Variants in DRC11 observed in about 807,000 individuals in gnomAD.
DRC11 encodes the protein IQ and AAA domain-containing protein 1.
At chr2:236,401,971 A>G in the DRC11 span, among the ~76,000 whole-genome samples, 1 of 152,350 alleles carries the variant, frequency 6.6e-6, no homozygotes, top group East Asian at 1.9e-4. The surrounding 1 kb of genome is among the most constrained non-coding windows in gnomAD (Gnocchi z 4.6). Flanking sequence ...AGGTGAAACC[A>G]TAGTGGATAC....
the DRC11 span, among the ~76,000 whole-genome samples, chr2:236,460,649 T>C: frequency 6.6e-6 from 1 of 152,146 alleles, no homozygotes; most frequent in South Asian, 2.1e-4. The surrounding 1 kb of genome is among the most constrained non-coding windows in gnomAD (Gnocchi z 4.0). Flanking sequence ...CAGAAAAATA[T>C]GAAACAAAAA....
chr2:236,348,202 C>T, the DRC11 span, among the ~76,000 whole-genome samples: 2 of 152,134 alleles, frequency 1.3e-5, no homozygotes, highest in African/African-American at 2.4e-5. This position sits in a 1 kb window ranked among gnomAD's most constrained non-coding sequence, Gnocchi z 7.4. Context: ...AATGTAGATT[C>T]GAAGGGGTCT....
chr2:236,316,525 A>G, the DRC11 span, among the ~76,000 whole-genome samples: 2 of 152,168 alleles, frequency 1.3e-5, no homozygotes, highest in African/African-American at 2.4e-5. This position sits in a 1 kb window ranked among gnomAD's most constrained non-coding sequence, Gnocchi z 6.8. Flanking sequence ...AATATTCACA[A>G]CCATGCACCT....
the DRC11 span, among the ~76,000 whole-genome samples, chr2:236,400,805 C>T: frequency 3.3e-5 from 5 of 152,172 alleles, no homozygotes; most frequent in East Asian, 5.8e-4. This position sits in a 1 kb window ranked among gnomAD's most constrained non-coding sequence, Gnocchi z 7.9. Flanking sequence ...CACAGTCCCT[C>T]GTGGTTGTGT....
At chr2:236,332,582 A>C in the DRC11 span, 1 of 152,212 alleles carries the variant, frequency 6.6e-6, no homozygotes, top group Non-Finnish European at 1.5e-5. This position sits in a 1 kb window ranked among gnomAD's most constrained non-coding sequence, Gnocchi z 5.1. Context: ...AATGACCATG[A>C]CTACCTGATC....
At chr2:236,462,979 G>A in the DRC11 span, among the ~76,000 whole-genome samples, 1 of 152,042 alleles carries the variant, frequency 6.6e-6, no homozygotes, top group Non-Finnish European at 1.5e-5. The surrounding 1 kb of genome is among the most constrained non-coding windows in gnomAD (Gnocchi z 6.4). Flanking sequence ...TTTTTACTGT[G>A]AGCCATTTTT....
chr2:236,444,989 G>A, the DRC11 span, among the ~76,000 whole-genome samples: 4 of 152,200 alleles, frequency 2.6e-5, no homozygotes, highest in African/African-American at 4.8e-5. Flanking sequence ...ACCACGCTCC[G>A]CCACAGACCC....
At chr2:236,334,034 T>C in the DRC11 span, among the ~76,000 whole-genome samples, 6 of 152,300 alleles carry the variant, frequency 3.9e-5, no homozygotes, top group Non-Finnish European at 8.8e-5. This position sits in a 1 kb window ranked among gnomAD's most constrained non-coding sequence, Gnocchi z 7.8. Flanking sequence ...ACATGACTCA[T>C]TGGTTACTCT....
the DRC11 span, among the ~76,000 whole-genome samples, chr2:236,374,652 G>C: frequency 2.6e-5 from 4 of 151,928 alleles, 1 homozygote; most frequent in South Asian, 8.3e-4. Context: ...AGAGGAAAGG[G>C]GGAGATGCTA....
the DRC11 span, among the ~76,000 whole-genome samples, chr2:236,372,270 T>C: frequency 6.6e-6 from 1 of 152,206 alleles, no homozygotes; most frequent in African/African-American, 2.4e-5. The surrounding 1 kb of genome is among the most constrained non-coding windows in gnomAD (Gnocchi z 4.5). Flanking sequence ...TAATTCTTGA[T>C]TGCCGAAAAA....
the DRC11 span, among the ~76,000 whole-genome samples, chr2:236,380,229 A>G: frequency 5.9e-5 from 9 of 152,354 alleles, no homozygotes; most frequent in African/African-American, 2.2e-4. This position sits in a 1 kb window ranked among gnomAD's most constrained non-coding sequence, Gnocchi z 4.9. Flanking sequence ...GCGCTCGGGC[A>G]GATTCCTGTC....
the DRC11 span, among the ~76,000 whole-genome samples, chr2:236,489,556 G>A: frequency 6.6e-6 from 1 of 152,162 alleles, no homozygotes; most frequent in African/African-American, 2.4e-5. Flanking sequence ...GGGAACAGGG[G>A]CTCATGTGGC....
At chr2:236,390,076 T>A in the DRC11 span, among the ~76,000 whole-genome samples, 1 of 152,214 alleles carries the variant, frequency 6.6e-6, no homozygotes, top group Non-Finnish European at 1.5e-5. This position sits in a 1 kb window ranked among gnomAD's most constrained non-coding sequence, Gnocchi z 5.9. Context: ...AGTGGGATAG[T>A]GAGTTCTCCT....
the DRC11 span, among the ~76,000 whole-genome samples, chr2:236,411,394 C>T: frequency 3.3e-5 from 5 of 150,204 alleles, no homozygotes; most frequent in African/African-American, 1.2e-4. Context: ...AGTCAGGCAA[C>T]AACAGGTGCT....
chr2:236,369,886 C>T, the DRC11 span, among the ~76,000 whole-genome samples: 12 of 152,122 alleles, frequency 7.9e-5, no homozygotes, highest in Admixed American at 6.5e-4. This position sits in a 1 kb window ranked among gnomAD's most constrained non-coding sequence, Gnocchi z 4.5. Context: ...GACGAAAAGG[C>T]ATTTAGGATA....
At chr2:236,388,183 T>C in the DRC11 span, among the ~76,000 whole-genome samples, 1 of 152,032 alleles carries the variant, frequency 6.6e-6, no homozygotes, top group Non-Finnish European at 1.5e-5. Context: ...GCGTTCTCTG[T>C]ATTTCCTGAA....
At chr2:236,427,393 C>G in the DRC11 span, among the ~76,000 whole-genome samples, 559 of 152,182 alleles carry the variant, frequency 3.7e-3, 5 homozygotes, top group Non-Finnish European at 1.6e-3. This position sits in a 1 kb window ranked among gnomAD's most constrained non-coding sequence, Gnocchi z 5.9. Context: ...CACAAGAAGC[C>G]ATTTTATCCT....
chr2:236,368,987 C>G, the DRC11 span: 1 of 152,310 alleles, frequency 6.6e-6, no homozygotes, highest in African/African-American at 2.4e-5. Flanking sequence ...TAGATAAGGT[C>G]ACCAAGAAAA....
At chr2:236,449,776 A>C in the DRC11 span, among the ~76,000 whole-genome samples, 6 of 152,184 alleles carry the variant, frequency 3.9e-5, 1 homozygote, top group Non-Finnish European at 7.3e-5. The surrounding 1 kb of genome is among the most constrained non-coding windows in gnomAD (Gnocchi z 5.1). Flanking sequence ...GACGCCTTAC[A>C]TGTGAACCAC....
Sources: gnomAD v4.1 joint callset for allele counts (sites outside exome capture counted in the v4.1 genomes callset) on GRCh38, gnomAD v4.1.1 for gene constraint, Gnocchi (gnomAD v3.1) non-coding constraint, MANE v1.5 for transcripts, NCBI Gene and HGNC (gene_info 2026-07-23, HGNC 2026-07-21) for gene names.